Variants in IPO5 observed in about 807,000 individuals in gnomAD.
The protein encoded by IPO5 is importin-5.
IPO5 carries 18 observed loss-of-function variants against 143.3 expected under a neutral mutation model. That is an observed-to-expected ratio of 0.13 (90% CI 0.09 to 0.19). IPO5 has a LOEUF of 0.19. Among genes scored for constraint, IPO5 ranks in the 10% least tolerant of loss-of-function variants. The pLI, the probability that IPO5 is intolerant of heterozygous loss-of-function variation, is 1.00. For missense variants in IPO5, 1,013 were observed against 1,336.9 expected, an observed-to-expected ratio of 0.76 and a Z score of 3.78; for synonymous variants, 477 against 465.7, an observed-to-expected ratio of 1.02 and a Z score of -0.31.
intron 2 of IPO5, among the ~76,000 whole-genome samples, chr13:97,966,270 G>A (rs918527182): frequency 1.3e-5 from 2 of 152,024 alleles, no homozygotes; most frequent in African/African-American, 4.8e-5. Flanking sequence ...CTGTGAGTCT[G>A]TCACAGATGG....
chr13:97,975,709 T>C (rs1886226621), intron 3 of IPO5: 1 of 152,770 alleles, frequency 6.5e-6, no homozygotes, highest in Non-Finnish European at 1.5e-5. Context: ...AAGAAAGGTG[T>C]CTCTCTTGAC....
At chr13:97,973,892 A>AC (rs982653440) in intron 3 of IPO5, among the ~76,000 whole-genome samples, 4 of 151,744 alleles carry the variant, frequency 2.6e-5, no homozygotes, top group African/African-American at 7.3e-5. Flanking sequence ...TAACAGGAAG[A>AC]CCCCATCTCT....
At chr13:97,992,256 T>C (rs1342942776) in intron 9 of IPO5, among the ~76,000 whole-genome samples, 2 of 152,222 alleles carry the variant, frequency 1.3e-5, no homozygotes, top group Middle Eastern at 3.2e-3. Flanking sequence ...AGAGTTGTTA[T>C]TCTGAAATAG....
At chr13:98,002,824 G>A (rs758440795) in intron 15 of IPO5, 40 bp from the exon 16 acceptor site, 9 of 1,598,382 alleles carry the variant, frequency 5.6e-6, no homozygotes, top group Admixed American at 1.7e-5. Flanking sequence ...AAGAAGGGTG[G>A]ACATTTCAAC....
intron 16 of IPO5, among the ~76,000 whole-genome samples, chr13:98,003,362 G>A (rs1232284614): frequency 1.3e-5 from 2 of 152,144 alleles, no homozygotes; most frequent in Non-Finnish European, 2.9e-5. Context: ...CTTAAATGCT[G>A]CAGGAAATTA....
chr13:98,010,804 G>T, intron 20 of IPO5, among the ~76,000 whole-genome samples: 4 of 23,186 alleles, frequency 1.7e-4, no homozygotes, highest in East Asian at 1.1e-3. Flanking sequence ...TTTTTGAGGT[G>T]GAGTCTCTCT....
intron 11 of IPO5, among the ~76,000 whole-genome samples, chr13:97,997,224 A>C (rs2139736195): frequency 6.6e-6 from 1 of 152,372 alleles, no homozygotes; most frequent in East Asian, 1.9e-4. Flanking sequence ...TCAAGTGTGA[A>C]AAAACAATTG....
chr13:97,983,083 C>G (rs1345332127), intron 5 of IPO5, among the ~76,000 whole-genome samples: 1 of 152,168 alleles, frequency 6.6e-6, no homozygotes, highest in Non-Finnish European at 1.5e-5. Flanking sequence ...GTTGGCCAGG[C>G]TGGTCTCGAA....
At chr13:97,973,504 G>T (rs1886004051) in intron 3 of IPO5, among the ~76,000 whole-genome samples, 1 of 152,150 alleles carries the variant, frequency 6.6e-6, no homozygotes, top group Non-Finnish European at 1.5e-5. Flanking sequence ...CACTTAGGAG[G>T]TTTTCTGGAC....
At chr13:98,021,263 C>T in intron 28 of IPO5, 130 bp downstream of exon 28, 1 of 761,204 alleles carries the variant, frequency 1.3e-6, no homozygotes, top group African/African-American at 1.8e-5. Flanking sequence ...TCTCTTGTCT[C>T]CAAGCCTCAA....
chr13:97,985,169 C>T (rs1297349205), intron 5 of IPO5, among the ~76,000 whole-genome samples: 1 of 152,074 alleles, frequency 6.6e-6, no homozygotes, highest in Non-Finnish European at 1.5e-5. Context: ...GGATTAAAGA[C>T]AGGTTTATCA....
chr13:97,976,187 C>T (rs1886282227), intron 3 of IPO5, among the ~76,000 whole-genome samples: 1 of 151,806 alleles, frequency 6.6e-6, no homozygotes, highest in South Asian at 2.1e-4. Flanking sequence ...CCCCTCCTCC[C>T]CGGCCAGGCC....
intron 2 of IPO5, among the ~76,000 whole-genome samples, chr13:97,958,954 CTGAGG>C (rs1884659107): frequency 6.6e-6 from 1 of 151,418 alleles, no homozygotes; most frequent in South Asian, 2.1e-4. Flanking sequence ...GGTAGATCAC[CTGAGG>C]TCAGGAGTTC....
chr13:97,981,648 A>G (rs770434471), intron 4 of IPO5, among the ~76,000 whole-genome samples: 1 of 152,230 alleles, frequency 6.6e-6, no homozygotes, highest in Non-Finnish European at 1.5e-5. Context: ...TGGATTATCT[A>G]TTTACTAAGA....
At chr13:97,994,125 G>A (rs1157806309) in intron 11 of IPO5, among the ~76,000 whole-genome samples, 2 of 152,144 alleles carry the variant, frequency 1.3e-5, no homozygotes, top group African/African-American at 4.8e-5. Context: ...TGGCTAACAT[G>A]CTAAAACCCC....
intron 3 of IPO5, among the ~76,000 whole-genome samples, chr13:97,973,194 C>A (rs527872184): frequency 7.6e-4 from 115 of 152,066 alleles, no homozygotes; most frequent in Non-Finnish European, 1.2e-3. Flanking sequence ...AGGCATGCGC[C>A]ACCATACCCA....
chr13:98,003,686 C>T (rs377075351), intron 16 of IPO5, among the ~76,000 whole-genome samples: 151 of 152,060 alleles, frequency 9.9e-4, no homozygotes, highest in African/African-American at 3.5e-3. Context: ...CCCATCTCTC[C>T]TAAAAATACA....
intron 2 of IPO5, among the ~76,000 whole-genome samples, chr13:97,957,689 TAAAC>T (rs1884555238): frequency 6.6e-6 from 1 of 152,134 alleles, no homozygotes; most frequent in Non-Finnish European, 1.5e-5. Context: ...ACAATAAAAA[TAAAC>T]AATTCTTTGA....
chr13:97,986,912 T>C (rs527845727), intron 6 of IPO5: 2 of 152,370 alleles, frequency 1.3e-5, no homozygotes, highest in South Asian at 2.1e-4. Context: ...CTCTGATACA[T>C]TGAGGGGGAC....
Sources: gnomAD v4.1 joint callset for allele counts (sites outside exome capture counted in the v4.1 genomes callset) on GRCh38, gnomAD v4.1.1 for gene constraint, MANE v1.5 for transcripts, NCBI Gene and HGNC (gene_info 2026-07-23, HGNC 2026-07-21) for gene names.